Variants in CORIN observed in about 807,000 individuals in gnomAD.
CORIN encodes the protein corin, serine peptidase.
CORIN carries 117 observed loss-of-function variants against 125.3 expected under a neutral mutation model. The observed-to-expected ratio is 0.93, with a 90% CI of 0.80 to 1.09. The LOEUF (loss-of-function observed/expected upper bound fraction) is 1.09, where lower values mean the gene tolerates loss of function less well. CORIN is among the 50% of genes least tolerant of loss of function. The pLI, the probability that CORIN is intolerant of heterozygous loss-of-function variation, is 0.00. For missense variants in CORIN, 1,253 were observed against 1,306.7 expected (o/e 0.96, Z 0.63); for synonymous variants, 450 against 466.4 (o/e 0.96, Z 0.45).
chr4:47,721,954 AT>A (rs1398170152), intron 5 of CORIN, among the ~76,000 whole-genome samples: 1 of 152,122 alleles, frequency 6.6e-6, no homozygotes, highest in Non-Finnish European at 1.5e-5. Flanking sequence ...AAATTAATTG[AT>A]TTTTTATTCT....
Position 47,606,922 on chromosome 4 carries a change from T to G in CORIN, c.2541-3254A>C, listed in dbSNP as rs114955148. On this transcript the variant is annotated intron_variant, in intron 19 of 21. Coordinates refer to ENST00000273857, the MANE Select transcript of CORIN (RefSeq NM_006587.4). Reference sequence around the variant, plus strand: ...AATTTCTGACTACTTAATAGCTTCTTGCCCTTGAATAGCGTTACTAAGTTT... The same window carrying G: ...AATTTCTGACTACTTAATAGCTTCTGGCCCTTGAATAGCGTTACTAAGTTT... Among the ~76,000 whole-genome samples, 1,165 of 152,342 alleles carry G rather than the reference T, an allele frequency of 7.6e-3. 19 individuals are homozygous for G. The highest frequency in any genetic ancestry group is 0.026 in the African/African-American group (1,098 of 41,578).
intron 10 of CORIN, 25 bp downstream of exon 10, chr4:47,674,368 T>G: frequency 6.8e-7 from 1 of 1,467,064 alleles, no homozygotes; most frequent in Non-Finnish European, 9.6e-7. Flanking sequence ...ACATGGCTAT[T>G]GCATTTGTCA....
intron 1 of CORIN, among the ~76,000 whole-genome samples, chr4:47,827,609 C>T (rs573517114): frequency 6.6e-6 from 1 of 152,328 alleles, no homozygotes; most frequent in African/African-American, 2.4e-5. Context: ...AGTGGTTTTA[C>T]TTTCCACCCT....
rs553325255 is a variant in CORIN, at chr4:47,753,209, G to T, written c.618-8626C>A. ...ATTAAGGACTTTAAAAGGGGTGGGG[G>T]TGTACGAACAAGGAATAGGTCACAA... On this transcript the variant is annotated intron_variant, in intron 4 of 21. Transcript: ENST00000273857. Among the ~76,000 whole-genome samples the T allele has an allele frequency of 2.0e-5, 3 of 152,234 alleles. No individual in the cohort carries two copies. The East Asian group carries it at 5.8e-4, about 29-fold the overall frequency.
intron 21 of CORIN, among the ~76,000 whole-genome samples, chr4:47,598,175 T>C (rs1366835603): frequency 1.3e-5 from 2 of 152,208 alleles, no homozygotes; most frequent in African/African-American, 4.8e-5. Context: ...TTGGCTTCAG[T>C]ATTCAGTATT....
At chr4:47,827,067 C>T (rs1322804355) in intron 1 of CORIN, among the ~76,000 whole-genome samples, 1 of 152,154 alleles carries the variant, frequency 6.6e-6, no homozygotes, top group Non-Finnish European at 1.5e-5. Flanking sequence ...AGTGCAGCTA[C>T]TAGACAATTT....
At chr4:47,760,418 C>T (rs1036128379) in intron 4 of CORIN, among the ~76,000 whole-genome samples, 4 of 152,140 alleles carry the variant, frequency 2.6e-5, no homozygotes, top group Non-Finnish European at 5.9e-5. Context: ...ACTGTCCTTT[C>T]TCCATTGAGT....
chr4:47,726,342 C>T (rs1303024059), intron 5 of CORIN, among the ~76,000 whole-genome samples: 3 of 152,010 alleles, frequency 2.0e-5, no homozygotes. Flanking sequence ...AATTGAGGTA[C>T]AGCCATACAA....
rs938763163 is a variant in CORIN, at chr4:47,630,824, C to T, written c.2199-4303G>A. On this transcript the variant is annotated intron_variant, in intron 16 of 21. Transcript: ENST00000273857. ...TGTTACAACACAGATTTGTTGGCCT[C>T]ATCCCCAGATTTTCTGATTCAGTTA... is the stretch of plus-strand genomic sequence containing the variant. Among the ~76,000 whole-genome samples, 3 of 152,170 alleles carry T rather than the reference C, an allele frequency of 2.0e-5. No individual in the cohort carries two copies. In the South Asian group the frequency reaches 6.2e-4, roughly 32 times the overall value.
At chr4:47,631,288 G>A (rs1224324591) in intron 16 of CORIN, among the ~76,000 whole-genome samples, 1 of 152,176 alleles carries the variant, frequency 6.6e-6, no homozygotes, top group Non-Finnish European at 1.5e-5. Flanking sequence ...CACAGCAGGA[G>A]GTGAGTGCGG....
intron 4 of CORIN, among the ~76,000 whole-genome samples, chr4:47,749,418 AG>A (rs1728804066): frequency 1.3e-5 from 2 of 152,338 alleles, no homozygotes; most frequent in South Asian, 4.1e-4. Context: ...ATAGACAGCT[AG>A]GAACTAAGAC....
intron 3 of CORIN, among the ~76,000 whole-genome samples, chr4:47,766,709 G>T (rs550268152): frequency 6.6e-6 from 1 of 152,234 alleles, no homozygotes; most frequent in East Asian, 1.9e-4. Flanking sequence ...ACTTTGGGAG[G>T]CTGAGGTGGG....
chr4:47,833,521 CA>C (rs75657429), intron 1 of CORIN, among the ~76,000 whole-genome samples: 41,405 of 114,432 alleles, frequency 0.36, 6,358 homozygotes, highest in East Asian at 0.57. Flanking sequence ...AAAGCATAGG[CA>C]AAAAAAAAAA....
intron 5 of CORIN, among the ~76,000 whole-genome samples, chr4:47,707,517 A>C (rs1056637094): frequency 6.6e-6 from 1 of 151,986 alleles, no homozygotes; most frequent in Admixed American, 6.6e-5. Flanking sequence ...ATTCCTAAGG[A>C]CTCCTCTATC....
At chr4:47,615,364 G>A (rs1722032883) in intron 19 of CORIN, among the ~76,000 whole-genome samples, 1 of 152,116 alleles carries the variant, frequency 6.6e-6, no homozygotes, top group African/African-American at 2.4e-5. Flanking sequence ...AGGTAATAAG[G>A]GAACAAGAGA....
rs184889074 is a variant in CORIN at position 47,685,435 on chromosome 4, G to T, written c.914-1597C>A. Among the ~76,000 whole-genome samples the T allele has an allele frequency of 2.8e-3, 423 of 152,230 alleles. 3 individuals carry two copies. The highest frequency in any genetic ancestry group is 4.3e-3 in the Non-Finnish European group (290 of 68,006). On this transcript the variant is annotated intron_variant, in intron 6 of 21. Coordinates refer to ENST00000273857, the MANE Select transcript of CORIN (RefSeq NM_006587.4). Reference sequence around the variant, plus strand: ...ACAAAAATTACATATTATATGACTCGTTTATGGAATTCCCAGAAAAAACAA... The same window carrying T: ...ACAAAAATTACATATTATATGACTCTTTTATGGAATTCCCAGAAAAAACAA...
At chr4:47,650,907 C>T (rs1723705952) in intron 13 of CORIN, among the ~76,000 whole-genome samples, 1 of 152,172 alleles carries the variant, frequency 6.6e-6, no homozygotes, top group Non-Finnish European at 1.5e-5. Flanking sequence ...GAAAACTTTT[C>T]TAGTACTGAC....
chr4:47,783,460 T>C (rs1403163979), intron 3 of CORIN, among the ~76,000 whole-genome samples: 1 of 152,138 alleles, frequency 6.6e-6, no homozygotes, highest in Non-Finnish European at 1.5e-5. Context: ...GGATTCTATG[T>C]CTTGGCATGA....
Position 47,629,987 on chromosome 4 carries a change from T to C in CORIN, c.2199-3466A>G, listed in dbSNP as rs531723357. ...TCATGTCAGAGTACAGTTCTTAAAG[T>C]GTGAACCCTACACAGTTCTCCCCCA... On this transcript the variant is annotated intron_variant, in intron 16 of 21. Transcript: ENST00000273857. Among the ~76,000 whole-genome samples, 15 of 152,232 alleles carry C rather than the reference T, an allele frequency of 9.9e-5. No individual in the cohort carries two copies. The South Asian group carries it at 3.1e-3, about 32-fold the overall frequency.
Sources: allele counts gnomAD v4.1 joint callset (sites outside exome capture counted in the v4.1 genomes callset), GRCh38; gene constraint gnomAD v4.1.1; transcripts MANE v1.5; gene names NCBI Gene and HGNC (gene_info 2026-07-23, HGNC 2026-07-21).